The following HEXA variants were observed in gnomAD, a reference collection of about 807,000 sequenced individuals.
The protein encoded by HEXA is hexosaminidase subunit alpha.
Under a neutral mutation model 73.3 loss-of-function variants are expected in HEXA, and 54 were observed. That is an observed-to-expected ratio of 0.74 (90% CI 0.59 to 0.92). The LOEUF (loss-of-function observed/expected upper bound fraction) is 0.92. Ranked by LOEUF, HEXA falls within the 40% of genes least tolerant of loss-of-function variation. HEXA has a pLI of 0.00. For missense variants in HEXA, 649 were observed against 653.0 expected, an observed-to-expected ratio of 0.99 and a Z score of 0.07; for synonymous variants, 230 against 246.9, an observed-to-expected ratio of 0.93 and a Z score of 0.64.
chr15:72,353,225 T>G, intron 4 of HEXA, 47 bp from the exon 5 acceptor site: 1 of 1,117,874 alleles, frequency 8.9e-7, no homozygotes, highest in Non-Finnish European at 1.4e-6. Context: ...GGAAGCTTAC[T>G]ATGGGGGCAC....
Position 72,341,262 on chromosome 15 carries a change from C to T in HEXA, c.*2815G>A, listed in dbSNP as rs1194430514. ...AAGTCTAGGGGCAATGACTCTCCAT[C>T]ACTAGTGCTGTGGTGGCACCTGTGC... On this transcript the variant is annotated 3_prime_UTR_variant, in exon 14 of 14. Coordinates refer to ENST00000268097, the MANE Select transcript of HEXA (RefSeq NM_000520.6). 6.6e-6 allele frequency: 1 copy of T among 152,210 alleles called. No homozygotes were observed. The highest frequency in any genetic ancestry group is 1.5e-5 in the Non-Finnish European group (1 of 68,052). 9.4% of individuals were successfully genotyped at this position (152,210 alleles called of 1,614,324 possible). A position where few individuals can be genotyped will look rare whatever the true frequency, so the allele number is the denominator to read the frequency against.
intron 11 of HEXA, 63 bp downstream of exon 11, chr15:72,346,464 G>A (rs2088615266): frequency 6.4e-7 from 1 of 1,560,184 alleles, no homozygotes; most frequent in Admixed American, 1.7e-5. Flanking sequence ...AGACCTTCCT[G>A]CCTCCCATCC....
chr15:72,348,792 T>C (rs2088655502), intron 8 of HEXA, among the ~76,000 whole-genome samples: 1 of 152,202 alleles, frequency 6.6e-6, no homozygotes, highest in African/African-American at 2.4e-5. Context: ...CAGGGATTAT[T>C]TTTCTCTATC....
intron 1 of HEXA, among the ~76,000 whole-genome samples, chr15:72,360,858 G>A (rs1567302411): frequency 6.6e-6 from 1 of 152,228 alleles, no homozygotes; most frequent in Non-Finnish European, 1.5e-5. Flanking sequence ...TAATTGGGCT[G>A]CTGGGAAGGT....
At chr15:72,367,564 T>C (rs796452565) in intron 1 of HEXA, among the ~76,000 whole-genome samples, 15 of 152,336 alleles carry the variant, frequency 9.8e-5, no homozygotes, top group African/African-American at 3.6e-4. Context: ...CCAATGTAGC[T>C]AGAGTTTAGT....
At chr15:72,363,429 C>CA (rs1373188911) in intron 1 of HEXA, among the ~76,000 whole-genome samples, 3 of 152,170 alleles carry the variant, frequency 2.0e-5, no homozygotes, top group Non-Finnish European at 2.9e-5. Flanking sequence ...AATTGGTGTT[C>CA]ACCAAGCTAC....
At chr15:72,344,228 C>T (rs971799812) in intron 13 of HEXA, 88 bp from the exon 14 acceptor site, 7 of 904,724 alleles carry the variant, frequency 7.7e-6, no homozygotes, top group Non-Finnish European at 1.3e-5. Context: ...GTCTCTCCTT[C>T]CCCATTTCGG....
At chr15:72,365,180 C>T (rs2088900466) in intron 1 of HEXA, among the ~76,000 whole-genome samples, 1 of 152,218 alleles carries the variant, frequency 6.6e-6, no homozygotes, top group Non-Finnish European at 1.5e-5. Context: ...AGCTCCGCCT[C>T]CCAGGTTCAT....
intron 1 of HEXA, among the ~76,000 whole-genome samples, chr15:72,372,164 C>T (rs768547638): frequency 1.3e-5 from 2 of 152,036 alleles, no homozygotes; most frequent in African/African-American, 2.4e-5. Context: ...GAAACCCCAT[C>T]GCTACTAAAC....
intron 1 of HEXA, among the ~76,000 whole-genome samples, chr15:72,371,321 A>G (rs1305731111): frequency 2.0e-5 from 3 of 152,154 alleles, no homozygotes; most frequent in Non-Finnish European, 4.4e-5. Flanking sequence ...CCTGCAAATC[A>G]TATCTTTTTG....
chr15:72,346,795 C>T, intron 10 of HEXA, 85 bp from the exon 11 acceptor site: 1 of 1,225,224 alleles, frequency 8.2e-7, no homozygotes, highest in Non-Finnish European at 1.2e-6. Context: ...CATGGGACAA[C>T]AGGTATGTGC....
intron 10 of HEXA, 21 bp downstream of exon 10, chr15:72,347,665 C>T (rs548949864): frequency 6.2e-7 from 1 of 1,610,008 alleles, no homozygotes; most frequent in South Asian, 1.1e-5. Flanking sequence ...GTGGCTTCTT[C>T]TCTTCTCTGC....
Position 72,375,716 on chromosome 15 carries a change from T to A in HEXA, c.253+4A>T, listed in dbSNP as rs746118260. ...AGGAACAGGGCGGGACAAGTCCGAC[T>A]CACCTGTGAGGTAAGGACGGGGCCA... On this transcript the variant is annotated splice_donor_region_variant and intron_variant, in intron 1 of 13. Coordinates refer to ENST00000268097, the MANE Select transcript of HEXA (RefSeq NM_000520.6). 1 of 1,614,050 alleles carries A rather than the reference T, an allele frequency of 6.2e-7. No individual in the cohort carries two copies. The highest frequency in any genetic ancestry group is 8.5e-7 in the Non-Finnish European group (1 of 1,180,004).
intron 1 of HEXA, among the ~76,000 whole-genome samples, chr15:72,372,035 G>A (rs1180693384): frequency 6.6e-6 from 1 of 152,146 alleles, no homozygotes; most frequent in East Asian, 1.9e-4. Context: ...CTATCAACCA[G>A]TTTCAGGAAA....
chr15:72,374,154 G>A (rs1195218995), intron 1 of HEXA, among the ~76,000 whole-genome samples: 1 of 152,108 alleles, frequency 6.6e-6, no homozygotes, highest in Non-Finnish European at 1.5e-5. Flanking sequence ...CTAGGCCTAG[G>A]TCTTAAGACT....
intron 12 of HEXA, 183 bp downstream of exon 12, chr15:72,346,052 G>A (rs935321383): frequency 4.7e-6 from 3 of 634,002 alleles, no homozygotes; most frequent in Admixed American, 5.1e-5. Flanking sequence ...GAGGGATATA[G>A]ACGGAAGTCA....
At chr15:72,371,866 T>C (rs1381675371) in intron 1 of HEXA, among the ~76,000 whole-genome samples, 3 of 152,192 alleles carry the variant, frequency 2.0e-5, no homozygotes, top group African/African-American at 4.8e-5. Flanking sequence ...CAGGCTCTTA[T>C]ATAATAATCT....
chr15:72,349,819 A>G (rs1204487597), intron 7 of HEXA, among the ~76,000 whole-genome samples: 3 of 152,166 alleles, frequency 2.0e-5, no homozygotes, highest in Non-Finnish European at 2.9e-5. Context: ...GCTGGAGTAC[A>G]GTGGCATGAT....
chr15:72,362,265 T>A (rs1327132002), intron 1 of HEXA: 1 of 205,262 alleles, frequency 4.9e-6, no homozygotes, highest in Non-Finnish European at 1.0e-5. Flanking sequence ...TTTTCTGTTA[T>A]TCCCCCCCTC....
Sources: gnomAD v4.1 joint callset for allele counts (sites outside exome capture counted in the v4.1 genomes callset) on GRCh38, gnomAD v4.1.1 for gene constraint, MANE v1.5 for transcripts, NCBI Gene and HGNC (gene_info 2026-07-23, HGNC 2026-07-21) for gene names.